GRIN2B: variants seen among roughly 807,000 people sequenced by gnomAD.
The protein encoded by GRIN2B is glutamate receptor ionotropic, NMDA 2B.
A neutral mutation model predicts 114.5 loss-of-function variants in GRIN2B; 5 were observed. The observed-to-expected ratio is 0.04, with a 90% confidence interval of 0.02 to 0.09. The LOEUF (loss-of-function observed/expected upper bound fraction) is 0.09. Among genes scored for constraint, GRIN2B ranks in the 10% least tolerant of loss-of-function variants. GRIN2B has a pLI of 1.00. For missense variants in GRIN2B, 1,108 were observed against 1,943.5 expected, an observed-to-expected ratio of 0.57 and a Z score of 8.08; for synonymous variants, 787 against 745.1, an observed-to-expected ratio of 1.06 and a Z score of -0.92.
chr12:13,795,131 G>A (rs220558), intron 3 of GRIN2B, among the ~76,000 whole-genome samples: 63,148 of 151,976 alleles, frequency 0.42, 13,754 homozygotes, highest in East Asian at 0.55. Context: ...AACCAAACAA[G>A]AAAAGTTTAA....
intron 4 of GRIN2B, among the ~76,000 whole-genome samples, chr12:13,704,474 C>T (rs1157475577): frequency 6.6e-6 from 1 of 152,188 alleles, no homozygotes; most frequent in African/African-American, 2.4e-5. Context: ...ACTCTGCATT[C>T]ATCTATTTTC....
chr12:13,607,391 ATT>A (rs1389967381), intron 10 of GRIN2B, among the ~76,000 whole-genome samples: 2 of 73,722 alleles, frequency 2.7e-5, no homozygotes, highest in African/African-American at 1.2e-4. Flanking sequence ...TATAATATAT[ATT>A]ATATATAATA....
chr12:13,852,757 G>T (rs1865592345), intron 3 of GRIN2B, among the ~76,000 whole-genome samples: 1 of 149,526 alleles, frequency 6.7e-6, no homozygotes, highest in African/African-American at 2.5e-5. Flanking sequence ...GGCTCTGAAA[G>T]GTGGAACCAG....
chr12:13,600,061 T>C (rs538330456), intron 10 of GRIN2B, among the ~76,000 whole-genome samples: 2 of 152,226 alleles, frequency 1.3e-5, no homozygotes, highest in East Asian at 1.9e-4. Context: ...TTCAGACTCA[T>C]GCTAGTTTGC....
At chr12:13,722,140 G>A (rs1332521439) in intron 4 of GRIN2B, among the ~76,000 whole-genome samples, 2 of 152,090 alleles carry the variant, frequency 1.3e-5, no homozygotes, top group Non-Finnish European at 2.9e-5. Context: ...GTTAAGGAGG[G>A]TGAAAGAGGT....
At chr12:13,929,295 A>G (rs1591627047) in intron 2 of GRIN2B, among the ~76,000 whole-genome samples, 1 of 152,154 alleles carries the variant, frequency 6.6e-6, no homozygotes, top group Non-Finnish European at 1.5e-5. Context: ...TCTAACTTGC[A>G]TAGATTCACA....
intron 3 of GRIN2B, among the ~76,000 whole-genome samples, chr12:13,756,963 C>T (rs1863586608): frequency 6.6e-6 from 1 of 152,150 alleles, no homozygotes; most frequent in East Asian, 1.9e-4. Flanking sequence ...TGAAGGAAGC[C>T]AATGCATAAT....
intron 5 of GRIN2B, among the ~76,000 whole-genome samples, chr12:13,630,943 G>A (rs1165080823): frequency 1.3e-5 from 2 of 152,144 alleles, no homozygotes; most frequent in Admixed American, 6.5e-5. Context: ...ATGGTGGAAA[G>A]CGAAGGGGAA....
At chr12:13,780,337 T>A (rs1023719011) in intron 3 of GRIN2B, among the ~76,000 whole-genome samples, 1 of 152,182 alleles carries the variant, frequency 6.6e-6, no homozygotes, top group Non-Finnish European at 1.5e-5. Flanking sequence ...GCTCTGTGCC[T>A]GAATTCTAGC....
chr12:13,711,810 G>C (rs1471858780), intron 4 of GRIN2B, among the ~76,000 whole-genome samples: 1 of 152,160 alleles, frequency 6.6e-6, no homozygotes, highest in Non-Finnish European at 1.5e-5. Context: ...CATTGTGGAA[G>C]TCAGTGTGGC....
intron 4 of GRIN2B, among the ~76,000 whole-genome samples, chr12:13,700,940 C>T (rs997703414): frequency 1.3e-5 from 2 of 152,024 alleles, no homozygotes; most frequent in African/African-American, 2.4e-5. Context: ...AAGAACTTCC[C>T]AAGACTGGGT....
Position 13,537,660 on chromosome 12 carries a change from T to A in GRIN2B, c.*25123A>T, listed in dbSNP as rs907486099. The A allele has an allele frequency of 1.3e-5, 2 of 152,200 alleles. No individual in the cohort carries two copies. Among genetic ancestry groups the A allele is most frequent in the South Asian group, 4.1e-4 (2 of 4,824 alleles). The allele number at this position is 152,200 out of a possible 1,614,324, so 9.4% of individuals were successfully genotyped here. ...AGATGCACATACATAGTGGTTCACATTCTGGCTGTATATTAAAATCACCTG... is the reference window on the plus strand; with the variant it reads ...AGATGCACATACATAGTGGTTCACAATCTGGCTGTATATTAAAATCACCTG... On this transcript the variant is annotated 3_prime_UTR_variant, in exon 14 of 14. Transcript: ENST00000609686.
chr12:13,621,364 T>G (rs919695628), intron 5 of GRIN2B, among the ~76,000 whole-genome samples: 6 of 152,128 alleles, frequency 3.9e-5, no homozygotes, highest in African/African-American at 1.4e-4. Flanking sequence ...CGAGAAGAAC[T>G]GAATGAAGAA....
At chr12:13,887,563 A>G (rs1271162248) in intron 2 of GRIN2B, among the ~76,000 whole-genome samples, 1 of 152,246 alleles carries the variant, frequency 6.6e-6, no homozygotes, top group Non-Finnish European at 1.5e-5. Flanking sequence ...TAAATAAATA[A>G]AAAGAAATCT....
intron 4 of GRIN2B, among the ~76,000 whole-genome samples, chr12:13,743,701 T>C (rs560721548): frequency 6.6e-6 from 1 of 152,222 alleles, no homozygotes; most frequent in South Asian, 2.1e-4. Context: ...CCGCAGCCAA[T>C]CCTTGCAGTG....
chr12:13,939,807 T>G (rs1030461756), intron 2 of GRIN2B, among the ~76,000 whole-genome samples: 1 of 152,054 alleles, frequency 6.6e-6, no homozygotes, highest in African/African-American at 2.4e-5. Flanking sequence ...ATGAGCCAAA[T>G]TTTCTTTATA....
intron 2 of GRIN2B, among the ~76,000 whole-genome samples, chr12:13,927,251 T>C (rs1460425972): frequency 6.6e-6 from 1 of 152,204 alleles, no homozygotes; most frequent in African/African-American, 2.4e-5. Flanking sequence ...AAACAGGGCA[T>C]CTGATTTTTC....
chr12:13,912,993 T>C (rs374366002), intron 2 of GRIN2B, among the ~76,000 whole-genome samples: 1 of 152,038 alleles, frequency 6.6e-6, no homozygotes, highest in Non-Finnish European at 1.5e-5. Flanking sequence ...CTCATGTCAC[T>C]CCTTAGTCCT....
chr12:13,894,168 T>C (rs576089950), intron 2 of GRIN2B, among the ~76,000 whole-genome samples: 1 of 152,260 alleles, frequency 6.6e-6, no homozygotes, highest in South Asian at 2.1e-4. Flanking sequence ...CATTTGGCAT[T>C]ACAGATCAAG....
Sources: allele counts gnomAD v4.1 joint callset (sites outside exome capture counted in the v4.1 genomes callset), GRCh38; gene constraint gnomAD v4.1.1; transcripts MANE v1.5; gene names NCBI Gene and HGNC (gene_info 2026-07-23, HGNC 2026-07-21).